The following ROBO2 variants were observed in gnomAD, a reference collection of about 807,000 sequenced individuals.
ROBO2 encodes the protein roundabout guidance receptor 2, also known as roundabout homolog 2.
A neutral mutation model predicts 160.8 loss-of-function variants in ROBO2; 53 were observed. The ratio of observed to expected loss-of-function variants is 0.33; its 90% CI spans 0.26 to 0.41. The LOEUF is 0.41. Among genes scored for constraint, ROBO2 ranks in the 10% least tolerant of loss-of-function variants. The pLI, the probability that ROBO2 is intolerant of heterozygous loss-of-function variation, is 1.00. For synonymous variants in ROBO2, 664 were observed against 611.7 expected, an observed-to-expected ratio of 1.09 and a Z score of -1.26; for missense variants, 1,577 against 1,722.4, an observed-to-expected ratio of 0.92 and a Z score of 1.49.
intron 2 of ROBO2, among the ~76,000 whole-genome samples, chr3:76,710,899 C>T (rs954783549): frequency 7.9e-5 from 12 of 152,150 alleles, no homozygotes; most frequent in African/African-American, 2.7e-4. Flanking sequence ...AAGTAGTTCA[C>T]GGCTAGCACT....
intron 2 of ROBO2, among the ~76,000 whole-genome samples, chr3:76,167,941 A>G (rs1329851877): frequency 6.6e-6 from 1 of 152,198 alleles, no homozygotes; most frequent in Non-Finnish European, 1.5e-5. Context: ...CCGTTAACAG[A>G]GGCTCCAAAT....
At chr3:77,522,744 A>AT (rs2090738626) in intron 5 of ROBO2, 31 bp from the exon 6 acceptor site, 1 of 1,600,426 alleles carries the variant, frequency 6.2e-7, no homozygotes. Context: ...AGCTACTACT[A>AT]TTTAATAAAA....
At chr3:77,586,601 A>G (rs1334679041) in intron 16 of ROBO2, among the ~76,000 whole-genome samples, 2 of 152,080 alleles carry the variant, frequency 1.3e-5, no homozygotes, top group African/African-American at 4.8e-5. Flanking sequence ...TACCAGCAGC[A>G]TAAAAAATAG....
chr3:76,848,959 G>A (rs530732970), intron 2 of ROBO2, among the ~76,000 whole-genome samples: 5 of 152,216 alleles, frequency 3.3e-5, no homozygotes, highest in Non-Finnish European at 7.4e-5. Flanking sequence ...GGACTTAAAA[G>A]AATGAAAATA....
At chr3:76,713,072 G>GT (rs1172709790) in intron 2 of ROBO2, among the ~76,000 whole-genome samples, 1 of 152,068 alleles carries the variant, frequency 6.6e-6, no homozygotes, top group African/African-American at 2.4e-5. Flanking sequence ...AAAAACTGAC[G>GT]TTTTTCCAAA....
intron 2 of ROBO2, among the ~76,000 whole-genome samples, chr3:76,850,501 C>T (rs1007225800): frequency 7.2e-5 from 11 of 152,124 alleles, no homozygotes; most frequent in African/African-American, 2.7e-4. Flanking sequence ...AACATTCTCC[C>T]AGTCTTCCAA....
chr3:76,288,827 T>C (rs1461551686), intron 2 of ROBO2, among the ~76,000 whole-genome samples: 1 of 152,202 alleles, frequency 6.6e-6, no homozygotes, highest in Non-Finnish European at 1.5e-5. Flanking sequence ...GTTCTCATTC[T>C]TTTCTATGGC....
At chr3:77,482,538 A>G (rs2084832837) in intron 4 of ROBO2, among the ~76,000 whole-genome samples, 1 of 152,202 alleles carries the variant, frequency 6.6e-6, no homozygotes, top group Non-Finnish European at 1.5e-5. Context: ...AGCAGCTTGA[A>G]GTCCCAAATG....
intron 2 of ROBO2, among the ~76,000 whole-genome samples, chr3:77,289,990 G>T (rs2060986340): frequency 6.6e-6 from 1 of 151,546 alleles, no homozygotes; most frequent in South Asian, 2.1e-4. Flanking sequence ...TGGTTAAACG[G>T]GTAAACTGAG....
intron 6 of ROBO2, among the ~76,000 whole-genome samples, chr3:77,526,790 G>C (rs1403881432): frequency 6.6e-6 from 1 of 151,394 alleles, no homozygotes; most frequent in Non-Finnish European, 1.5e-5. Context: ...CCCTCTGCCA[G>C]AAGAAGAAAA....
chr3:76,329,159 G>A (rs1465491925), intron 2 of ROBO2, among the ~76,000 whole-genome samples: 2 of 152,036 alleles, frequency 1.3e-5, no homozygotes, highest in African/African-American at 2.4e-5. Context: ...CCCCCACGGA[G>A]AGACACGACA....
intron 2 of ROBO2, among the ~76,000 whole-genome samples, chr3:76,140,503 A>C (rs1023280844): frequency 3.3e-5 from 5 of 151,946 alleles, no homozygotes; most frequent in Admixed American, 2.6e-4. Flanking sequence ...GAAATTGCTG[A>C]GGTTACACTA....
intron 2 of ROBO2, among the ~76,000 whole-genome samples, chr3:76,586,430 G>A (rs2108778687): frequency 6.6e-6 from 1 of 152,284 alleles, no homozygotes; most frequent in Non-Finnish European, 1.5e-5. Flanking sequence ...ATTAGTTCTA[G>A]TTCTCAGTCT....
At chr3:76,475,238 G>C (rs1041153807) in intron 2 of ROBO2, among the ~76,000 whole-genome samples, 3 of 152,094 alleles carry the variant, frequency 2.0e-5, no homozygotes, top group East Asian at 3.9e-4. Flanking sequence ...AATGTCTGTG[G>C]TAAACAGGTT....
intron 2 of ROBO2, among the ~76,000 whole-genome samples, chr3:77,102,043 C>G (rs1483943138): frequency 6.6e-6 from 1 of 152,118 alleles, no homozygotes; most frequent in Admixed American, 6.5e-5. Flanking sequence ...CTATCTCAAA[C>G]AAACAAACCA....
chr3:77,566,350 A>G (rs576417964), intron 12 of ROBO2, among the ~76,000 whole-genome samples: 19 of 152,222 alleles, frequency 1.2e-4, no homozygotes, highest in Non-Finnish European at 7.4e-5. Flanking sequence ...TTGAGAAAGA[A>G]AAAGCACAAC....
intron 2 of ROBO2, among the ~76,000 whole-genome samples, chr3:76,111,855 G>A (rs1380676742): frequency 6.6e-6 from 1 of 151,940 alleles, no homozygotes; most frequent in African/African-American, 2.4e-5. Context: ...ATCAAATCAA[G>A]TAATGTATAA....
intron 2 of ROBO2, among the ~76,000 whole-genome samples, chr3:75,992,096 T>C (rs929412411): frequency 3.9e-5 from 6 of 151,988 alleles, no homozygotes; most frequent in Non-Finnish European, 1.5e-5. Flanking sequence ...GTGAATGAGA[T>C]AGAAAAGAAA....
intron 1 of ROBO2, among the ~76,000 whole-genome samples, chr3:75,907,290 T>A (rs1020661613): frequency 1.3e-5 from 2 of 152,158 alleles, no homozygotes; most frequent in African/African-American, 4.8e-5. Flanking sequence ...CTGTCCTTCC[T>A]TTTGCTTGCC....
Sources: allele counts gnomAD v4.1 joint callset (sites outside exome capture counted in the v4.1 genomes callset), GRCh38; gene constraint gnomAD v4.1.1; transcripts MANE v1.5; gene names NCBI Gene and HGNC (gene_info 2026-07-23, HGNC 2026-07-21).